DISC1: variants seen among roughly 807,000 people sequenced by gnomAD.
DISC1 encodes DISC1 scaffold protein, also known as disrupted in schizophrenia 1 protein.
In DISC1, 57 loss-of-function variants were observed where a neutral mutation model predicts 84.5. The observed-to-expected ratio is 0.67, with a 90% CI of 0.55 to 0.84. The LOEUF (loss-of-function observed/expected upper bound fraction) is 0.84, where lower values mean the gene tolerates loss of function less well. Ranked by LOEUF, DISC1 falls within the 40% of genes least tolerant of loss-of-function variation. DISC1 has a pLI of 0.00. For synonymous variants in DISC1, 411 were observed against 415.2 expected (o/e 0.99, Z 0.12); for missense variants, 1,000 against 1,057.8 (o/e 0.95, Z 0.76).
At chr1:231,628,628 C>T (rs2058453712) in intron 1 of DISC1, among the ~76,000 whole-genome samples, 1 of 152,202 alleles carries the variant, frequency 6.6e-6, no homozygotes, top group Non-Finnish European at 1.5e-5. Flanking sequence ...AAGTGTAAAG[C>T]CAGGATTAGA....
At chr1:232,029,746 T>A (rs1171592002) in intron 12 of DISC1, among the ~76,000 whole-genome samples, 2 of 152,238 alleles carry the variant, frequency 1.3e-5, no homozygotes, top group Admixed American at 1.3e-4. Context: ...ATGTTTATTC[T>A]TTGTGTGGAA....
intron 10 of DISC1, among the ~76,000 whole-genome samples, chr1:231,966,222 C>T (rs1049276886): frequency 1.3e-5 from 2 of 151,296 alleles, no homozygotes; most frequent in African/African-American, 4.8e-5. Flanking sequence ...ATCCATTTGT[C>T]TTGCCATCAA....
chr1:231,751,543 T>C (rs1039019450), intron 4 of DISC1, among the ~76,000 whole-genome samples: 3 of 152,192 alleles, frequency 2.0e-5, no homozygotes. Flanking sequence ...ATCATAATGT[T>C]GTGCAATCAT....
intron 9 of DISC1, among the ~76,000 whole-genome samples, chr1:231,851,626 G>A (rs1398771680): frequency 6.6e-6 from 1 of 152,206 alleles, no homozygotes; most frequent in Non-Finnish European, 1.5e-5. Flanking sequence ...GCCAAAGGCT[G>A]TGGCGGAGAC....
rs529452998 is a variant in DISC1, at chr1:231,643,313, A to G, written c.67+16379A>G. Among the ~76,000 whole-genome samples the G allele has an allele frequency of 5.3e-5, 8 of 152,242 alleles. No homozygotes were observed. The East Asian group carries it at 9.6e-4, about 18-fold the overall frequency. On this transcript the variant is annotated intron_variant, in intron 1 of 12. Coordinates refer to ENST00000439617, the MANE Select transcript of DISC1 (RefSeq NM_018662.3). ...CAGTTTCCTTGTCCCTTCAGATCTC[A>G]CTGTGTTTAGGCCTCCTTTGAGTGA...
chr1:231,953,063 A>G lies in DISC1; in HGVS notation c.1982-5765A>G, dbSNP rs185026592. 4.3e-4 allele frequency among the ~76,000 whole-genome samples: 65 copies of G among 152,298 alleles called. 1 individual carries two copies. The highest frequency in any genetic ancestry group is 1.2e-3 in the African/African-American group (51 of 41,578). ...TGACTTTGAACCTTACTGCTGCTCCATTTAACCAACTGTAAAATGGTGATA... is the reference window on the plus strand; with the variant it reads ...TGACTTTGAACCTTACTGCTGCTCCGTTTAACCAACTGTAAAATGGTGATA... On this transcript the variant is annotated intron_variant, in intron 9 of 12. Coordinates refer to ENST00000439617, the MANE Select transcript of DISC1 (RefSeq NM_018662.3).
chr1:231,871,058 T>C (rs1196144633), intron 9 of DISC1, among the ~76,000 whole-genome samples: 1 of 152,094 alleles, frequency 6.6e-6, no homozygotes, highest in Non-Finnish European at 1.5e-5. Flanking sequence ...CTGTGTGGAA[T>C]AGGGCAGATA....
intron 9 of DISC1, among the ~76,000 whole-genome samples, chr1:231,834,598 A>G (rs2082492692): frequency 6.6e-6 from 1 of 152,160 alleles, no homozygotes; most frequent in Non-Finnish European, 1.5e-5. Flanking sequence ...AGAAGAAAAT[A>G]AGGCATTTAG....
rs557384727 is a variant in DISC1, at chr1:231,961,464, G to A, written c.2042+2576G>A. On this transcript the variant is annotated intron_variant, in intron 10 of 12. Transcript: ENST00000439617. ...ATGTATCGTGCGATGCTGAGGTTTGGGGTATGATTGATCCTGTCACTCAAG... is the reference window on the plus strand; with the variant it reads ...ATGTATCGTGCGATGCTGAGGTTTGAGGTATGATTGATCCTGTCACTCAAG... Among the ~76,000 whole-genome samples, 5 of 152,250 alleles carry A rather than the reference G, an allele frequency of 3.3e-5. No homozygotes were observed. The East Asian group carries it at 9.6e-4, about 29-fold the overall frequency.
chr1:231,785,941 T>TA (rs750243336), intron 6 of DISC1, among the ~76,000 whole-genome samples: 10 of 152,188 alleles, frequency 6.6e-5, no homozygotes, highest in Non-Finnish European at 1.0e-4. Flanking sequence ...TCACTTAGTG[T>TA]AAAAAATGAC....
chr1:231,847,694 A>G (rs2083563684), intron 9 of DISC1, among the ~76,000 whole-genome samples: 2 of 152,134 alleles, frequency 1.3e-5, no homozygotes, highest in South Asian at 4.1e-4. Flanking sequence ...CCTTAGTTTT[A>G]TATGGCTCTA....
intron 1 of DISC1, among the ~76,000 whole-genome samples, chr1:231,674,601 C>G (rs1278986195): frequency 1.3e-5 from 2 of 152,224 alleles, no homozygotes; most frequent in East Asian, 3.8e-4. Flanking sequence ...TGTGCAGCCT[C>G]AGCTTGGTGA....
intron 9 of DISC1, among the ~76,000 whole-genome samples, chr1:231,878,909 C>G (rs1268674480): frequency 6.6e-6 from 1 of 152,188 alleles, no homozygotes; most frequent in Non-Finnish European, 1.5e-5. Context: ...TGGCTTCTTT[C>G]ACTCAACAAC....
chr1:231,994,237 A>G (rs947397368), intron 10 of DISC1, among the ~76,000 whole-genome samples: 11 of 152,218 alleles, frequency 7.2e-5, no homozygotes, highest in Non-Finnish European at 1.5e-4. Context: ...CAATGGCAAC[A>G]GCTGTCAGCT....
intron 9 of DISC1, among the ~76,000 whole-genome samples, chr1:231,871,501 C>T (rs961297969): frequency 3.3e-5 from 5 of 152,196 alleles, no homozygotes; most frequent in African/African-American, 9.6e-5. Flanking sequence ...AGAATTGTGT[C>T]GTTGATGTGG....
rs1667772357 is a variant in DISC1, at chr1:232,008,784, G to A, written c.2043-1G>A. On this transcript the variant is annotated splice_acceptor_variant, in intron 10 of 12. Coordinates refer to ENST00000439617, the MANE Select transcript of DISC1 (RefSeq NM_018662.3). LOFTEE classifies it high-confidence loss of function. ...ATGCCTTTGTTTCCTCTCTGTCTCA[G>A]CTGCAAGTGTCCACTGCTTGGGAAA... 6.4e-7 allele frequency: 1 copy of A among 1,551,710 alleles called. No individual in the cohort carries two copies. The highest frequency in any genetic ancestry group is 1.3e-5 in the South Asian group (1 of 79,880).
chr1:232,034,936 T>C (rs1296996488), intron 12 of DISC1, among the ~76,000 whole-genome samples: 2 of 152,070 alleles, frequency 1.3e-5, no homozygotes, highest in African/African-American at 4.8e-5. Flanking sequence ...TTGGATTCTT[T>C]CCTCCCCTGA....
intron 1 of DISC1, among the ~76,000 whole-genome samples, chr1:231,693,137 G>A (rs576438189): frequency 1.3e-4 from 20 of 152,328 alleles, no homozygotes; most frequent in African/African-American, 4.8e-4. Flanking sequence ...CCAGCAAGTG[G>A]TACAATCAGG....
intron 8 of DISC1, among the ~76,000 whole-genome samples, chr1:231,816,767 G>A (rs780436252): frequency 2.0e-5 from 3 of 152,254 alleles, no homozygotes; most frequent in Non-Finnish European, 4.4e-5. Flanking sequence ...GTTTGTCTAT[G>A]TATATTCAAT....
Sources: allele counts gnomAD v4.1 joint callset (sites outside exome capture counted in the v4.1 genomes callset), GRCh38; gene constraint gnomAD v4.1.1; transcripts MANE v1.5; gene names NCBI Gene and HGNC (gene_info 2026-07-23, HGNC 2026-07-21).